The following ARHGEF40 variants were observed in gnomAD, a reference collection of about 807,000 sequenced individuals.
The protein encoded by ARHGEF40 is Rho guanine nucleotide exchange factor (GEF) 40.
In ARHGEF40, 98 loss-of-function variants were observed where a neutral mutation model predicts 165.9. The observed-to-expected ratio is 0.59, with a 90% CI of 0.50 to 0.70. The LOEUF is 0.70. Ranked by LOEUF, ARHGEF40 falls within the 30% of genes least tolerant of loss-of-function variation. The pLI is 0.00. For missense variants in ARHGEF40, 1,815 were observed against 1,968.0 expected (o/e 0.92, Z 1.47); for synonymous variants, 792 against 814.3 (o/e 0.97, Z 0.47).
At chr14:21,071,557 G>T (rs1007937897) in intron 1 of ARHGEF40, among the ~76,000 whole-genome samples, 1 of 152,144 alleles carries the variant, frequency 6.6e-6, no homozygotes, top group Non-Finnish European at 1.5e-5. Context: ...GGTCCCCGCC[G>T]GCAGGAGGCT....
chr14:21,083,518 C>T (rs906104366), intron 16 of ARHGEF40, among the ~76,000 whole-genome samples: 1 of 152,112 alleles, frequency 6.6e-6, no homozygotes, highest in African/African-American at 2.4e-5. Context: ...CCACTGCACT[C>T]CAGCCTGGGC....
In ARHGEF40 at chr14:21,090,156, TCTACAGGG is replaced by T; in HGVS notation, c.*1150_*1157del. 1 of 487,238 alleles carries T rather than the reference TCTACAGGG, an allele frequency of 2.1e-6. No homozygotes were observed. Among genetic ancestry groups the T allele is most frequent in the Non-Finnish European group, 4.0e-6 (1 of 250,030 alleles). The allele number at this position is 487,238 out of a possible 1,614,324, so 30.2% of individuals were successfully genotyped here. A position where few individuals can be genotyped will look rare whatever the true frequency, so the allele number is the denominator to read the frequency against. ...AGGAATCGTACCAAAAATAGCGACG[TCTACAGGG>T]CCCCTGATGGGGCTAGAAGGGTACA... is the stretch of plus-strand genomic sequence containing the variant. On this transcript the variant is annotated 3_prime_UTR_variant, in exon 24 of 24. Transcript: ENST00000298694. The surrounding 1 kb of genome is among the most constrained non-coding windows in gnomAD (Gnocchi z 4.4).
In ARHGEF40 at chr14:21,075,018, C is replaced by G. The variant is rs1310763072; in HGVS notation, c.1288C>G (p.Leu430Val). Residue 430 changes from leucine (L) to valine (V), a missense_variant, in exon 3 of 24, where the codon CTG becomes GTG. Physicochemically the swap from Leu to Val is conservative, Grantham distance 32. Transcript: ENST00000298694. This position sits in a 1 kb window ranked among gnomAD's most constrained non-coding sequence, Gnocchi z 4.5. ...TGAGCACAAGCTTCCAGAATGCCAC[C>G]TGGTTAAGGAGGAATATGAAGGCTC... Reference protein sequence around the residue: ...PSEHKLPECHLVKEEYEGSGK... With the variant: ...PSEHKLPECHVVKEEYEGSGK... 15 of 1,613,698 alleles carry G rather than the reference C, an allele frequency of 9.3e-6. No homozygotes were observed. Among genetic ancestry groups the G allele is most frequent in the East Asian group, 2.2e-5 (1 of 44,894 alleles).
Position 21,072,973 on chromosome 14 carries a change from G to C in ARHGEF40, c.4-72G>C. 1 of 1,493,192 alleles carries C rather than the reference G, an allele frequency of 6.7e-7. No homozygotes were observed. Among genetic ancestry groups the C allele is most frequent in the Admixed American group, 1.8e-5 (1 of 55,624 alleles). The allele number at this position is 1,493,192 out of a possible 1,614,324, so 92.5% of individuals were successfully genotyped here. A position where few individuals can be genotyped will look rare whatever the true frequency, so the allele number is the denominator to read the frequency against. On this transcript the variant is annotated intron_variant, in intron 1 of 23. Transcript: ENST00000298694. This position sits in a 1 kb window ranked among gnomAD's most constrained non-coding sequence, Gnocchi z 4.1. Reference sequence around the variant, plus strand: ...GCTTTGGAGAACACAGCCAACCCCAGACCAGTGCAGCTCCCAAGGAGCCAT... The same window carrying C: ...GCTTTGGAGAACACAGCCAACCCCACACCAGTGCAGCTCCCAAGGAGCCAT...
intron 1 of ARHGEF40, among the ~76,000 whole-genome samples, chr14:21,071,042 G>T (rs758643082): frequency 6.6e-6 from 1 of 152,144 alleles, no homozygotes; most frequent in Non-Finnish European, 1.5e-5. Context: ...TGCCAGAGCC[G>T]ACCAGAGTTT....
In ARHGEF40 at chr14:21,078,885, C is replaced by T; in HGVS notation, c.2248C>T (p.Leu750=). The change falls in exon 11 of 24, where the codon CTG becomes TTG. Residue 750 remains leucine, a splice_region_variant and synonymous_variant. Transcript: ENST00000298694. The stretch of plus-strand genomic sequence containing the variant: ...CATTCTTCTCTGCTCCTTCCCAAGG[C>T]TGGAGGGCCAAGGCCCAGCTACACT... ...MRLRSTPSSK[L]EGQGPATLYQ... The T allele has an allele frequency of 6.2e-7, 1 of 1,612,252 alleles. No individual in the cohort carries two copies. The highest frequency in any genetic ancestry group is 1.1e-5 in the South Asian group (1 of 91,048).
At position 21,088,075 on chromosome 14, in the gene ARHGEF40, G is replaced by T. The variant is rs1888502315; in HGVS notation, c.4495G>T (p.Gly1499Trp). The change falls in exon 22 of 24, where the codon GGG (glycine) becomes TGG (tryptophan). Residue 1499 changes from glycine to tryptophan, a missense_variant. Transcript: ENST00000298694. ...GSSTPTLASRGILGLSRQSHA... is the reference protein window; with the variant it reads ...GSSTPTLASRWILGLSRQSHA... The stretch of plus-strand genomic sequence containing the variant: ...CAGCACTCCCACCCTGGCCAGTCGA[G>T]GGATCTTAGGGCTATCCCGACAGGT... 1 of 1,613,364 alleles carries T rather than the reference G, an allele frequency of 6.2e-7. No homozygotes were observed.
At chr14:21,085,969 A>G in intron 19 of ARHGEF40, 103 bp downstream of exon 19, 1 of 1,283,076 alleles carries the variant, frequency 7.8e-7, no homozygotes, top group Non-Finnish European at 1.1e-6. Flanking sequence ...TATAGGATGA[A>G]GAAAGAATGG....
chr14:21,083,026 C>T, intron 16 of ARHGEF40, 109 bp downstream of exon 16: 1 of 928,378 alleles, frequency 1.1e-6, no homozygotes, highest in Non-Finnish European at 1.7e-6. Flanking sequence ...AGGAACATCA[C>T]CTACCAATCA....
intron 15 of ARHGEF40, 119 bp from the exon 16 acceptor site, chr14:21,082,712 G>T (rs1888020746): frequency 1.7e-6 from 2 of 1,144,884 alleles, no homozygotes; most frequent in South Asian, 2.8e-5. Context: ...CTGGTAGGCT[G>T]AGTGCTCCCT....
Position 21,070,470 on chromosome 14 carries a change from C to T in ARHGEF40, c.3+71C>T. On this transcript the variant is annotated intron_variant, in intron 1 of 23. Coordinates refer to ENST00000298694, the MANE Select transcript of ARHGEF40 (RefSeq NM_018071.5). This position sits in a 1 kb window ranked among gnomAD's most constrained non-coding sequence, Gnocchi z 4.7. Reference sequence around the variant, plus strand: ...AGCCCGCTCCGGGCCCCCAAGTCCTCAGCCTGGTGCCTCCCGAGCCTGCCT... The same window carrying T: ...AGCCCGCTCCGGGCCCCCAAGTCCTTAGCCTGGTGCCTCCCGAGCCTGCCT... The T allele has an allele frequency of 7.4e-7, 1 of 1,350,958 alleles. No individual in the cohort carries two copies. Among genetic ancestry groups the T allele is most frequent in the Non-Finnish European group, 9.5e-7 (1 of 1,055,854 alleles). 83.7% of individuals were successfully genotyped at this position (1,350,958 alleles called of 1,614,324 possible).
chr14:21,087,736 G>T (rs2274682), intron 21 of ARHGEF40: 29,753 of 688,504 alleles, frequency 0.043, 768 homozygotes, highest in East Asian at 0.076. Context: ...GTACCCTCCT[G>T]GTTCACCACG....
In ARHGEF40 at chr14:21,078,441, G is replaced by A. The variant is rs1460801556; in HGVS notation, c.2199G>A (p.Arg733=). The A allele has an allele frequency of 1.2e-6, 2 of 1,610,582 alleles. No individual in the cohort carries two copies. The highest frequency in any genetic ancestry group is 1.7e-6 in the Non-Finnish European group (2 of 1,177,796). ...ATCCCCGGCTGACGGCACTGCAGAGGGATGGGGGGGCCATCCTGATGAGGC... is the reference window on the plus strand; with the variant it reads ...ATCCCCGGCTGACGGCACTGCAGAGAGATGGGGGGGCCATCCTGATGAGGC... ...LADPRLTALQ[R]DGGAILMRLR... is the part of the protein sequence containing the mutation. The change falls in exon 10 of 24, where the codon AGG becomes AGA. Residue 733 remains arginine, a synonymous_variant. Transcript: ENST00000298694.
chr14:21,086,857 A>G (rs1005325614), intron 19 of ARHGEF40, 144 bp from the exon 20 acceptor site: 1 of 654,850 alleles, frequency 1.5e-6, no homozygotes, highest in African/African-American at 1.8e-5. Context: ...AGAAGGAGTA[A>G]AAAGAGACAT....
In ARHGEF40 at chr14:21,081,760, C is replaced by A; in HGVS notation, c.2892C>A (p.Gly964=). Residue 964 remains glycine (G), a synonymous_variant, in exon 14 of 24, where the codon GGC becomes GGA. Transcript: ENST00000298694. The part of the protein sequence containing the change: ...QHVGEEASPR[G]YRRRRADGAS... ...TGGGAGAGGAGGCGAGCCCACGGGGCTACCGACGACGGCGGGCAGACGGTG... is the reference window on the plus strand; with the variant it reads ...TGGGAGAGGAGGCGAGCCCACGGGGATACCGACGACGGCGGGCAGACGGTG... 6.3e-7 allele frequency: 1 copy of A among 1,588,086 alleles called. No individual in the cohort carries two copies. Among genetic ancestry groups the A allele is most frequent in the Non-Finnish European group, 8.6e-7 (1 of 1,167,790 alleles).
intron 15 of ARHGEF40, 68 bp from the exon 16 acceptor site, chr14:21,082,763 G>T: frequency 6.7e-7 from 1 of 1,501,136 alleles, no homozygotes; most frequent in Admixed American, 1.7e-5. Flanking sequence ...AGGATAGAGA[G>T]GGGGAAGAGA....
upstream of ARHGEF40, among the ~76,000 whole-genome samples, chr14:21,067,376 T>C (rs1255151751): frequency 1.6e-4 from 25 of 152,152 alleles, no homozygotes; most frequent in Non-Finnish European, 4.4e-5. Flanking sequence ...TTTAGCCTGA[T>C]GGTTTGGTGG....
At chr14:21,071,816 A>G (rs773868419) in intron 1 of ARHGEF40, among the ~76,000 whole-genome samples, 13 of 152,082 alleles carry the variant, frequency 8.5e-5, no homozygotes, top group African/African-American at 1.2e-4. Context: ...GGTCCCGGGA[A>G]CACTGGGGGT....
chr14:21,076,638 T>G lies in ARHGEF40; in HGVS notation c.1912T>G (p.Phe638Val), dbSNP rs776488468. ...TGACCTTCCAACTGAACTCTGTGGA[T>G]TTCAGGTTTGAGCCCTTCATTCCCA... ...HDDLPTELCG[F>V]QGAEVLSEND... The change falls in exon 7 of 24, where the codon TTT becomes GTT. Residue 638 changes from phenylalanine to valine, a missense_variant. Coordinates refer to ENST00000298694, the MANE Select transcript of ARHGEF40 (RefSeq NM_018071.5). 1.2e-6 allele frequency: 2 copies of G among 1,613,918 alleles called. No homozygotes were observed. The highest frequency in any genetic ancestry group is 4.5e-5 in the East Asian group (2 of 44,880).
Sources: gnomAD v4.1 joint callset for allele counts (sites outside exome capture counted in the v4.1 genomes callset) on GRCh38, gnomAD v4.1.1 for gene constraint, Gnocchi (gnomAD v3.1) non-coding constraint, MANE v1.5 for transcripts, NCBI Gene and HGNC (gene_info 2026-07-23, HGNC 2026-07-21) for gene names.